The following TTC6 variants were observed in gnomAD, a reference collection of about 807,000 sequenced individuals.
TTC6 encodes tetratricopeptide repeat domain 6, also known as tetratricopeptide repeat protein 6.
In TTC6, 172 loss-of-function variants were observed where a neutral mutation model predicts 210.4. The ratio of observed to expected loss-of-function variants is 0.82; its 90% CI spans 0.72 to 0.93. The LOEUF (loss-of-function observed/expected upper bound fraction) is 0.93, where lower values mean the gene tolerates loss of function less well. Ranked by LOEUF, TTC6 falls within the 40% of genes least tolerant of loss-of-function variation. The pLI is 0.00. For synonymous variants in TTC6, 804 were observed against 819.6 expected (o/e 0.98, Z 0.32); for missense variants, 2,414 against 2,318.1 (o/e 1.04, Z -0.85).
At chr14:37,712,600 A>G (rs998898524) in intron 5 of TTC6, among the ~76,000 whole-genome samples, 10 of 152,174 alleles carry the variant, frequency 6.6e-5, no homozygotes, top group African/African-American at 2.2e-4. Context: ...GAAACTTACA[A>G]TCATGGTGGA....
intron 4 of TTC6, among the ~76,000 whole-genome samples, chr14:37,700,300 C>T (rs552077566): frequency 2.0e-5 from 3 of 152,166 alleles, no homozygotes; most frequent in South Asian, 2.1e-4. Flanking sequence ...TTGTGACCTA[C>T]CCAAAATAAG....
At position 37,742,214 on chromosome 14, in the gene TTC6, A is replaced by AT. The variant is rs376763923; in HGVS notation, c.2363+3060dup. Among the ~76,000 whole-genome samples the AT allele has an allele frequency of 1.5e-3, 225 of 152,234 alleles. 1 individual carries two copies. Among genetic ancestry groups the AT allele is most frequent in the African/African-American group, 5.2e-3 (216 of 41,550 alleles). ...GCATCTTCTTGTGCCCCTTTCTAGA[A>AT]TAATTGTCCTTAGTCTTAACTCACT... is the stretch of plus-strand genomic sequence containing the variant. On this transcript the variant is annotated intron_variant, in intron 10 of 30. Transcript: ENST00000553443.
At chr14:37,622,052 C>A, upstream of TTC6, 1 of 1,506,942 alleles carries the variant, frequency 6.6e-7, no homozygotes, top group South Asian at 1.3e-5. Flanking sequence ...CTTTACAGGT[C>A]AAATTTGTCA....
chr14:37,660,729 A>T (rs757502262), intron 1 of TTC6, among the ~76,000 whole-genome samples: 11 of 152,168 alleles, frequency 7.2e-5, no homozygotes, highest in Non-Finnish European at 1.5e-4. Context: ...GCTGGGTCAA[A>T]TGGTATTTCT....
intron 1 of TTC6, among the ~76,000 whole-genome samples, chr14:37,651,346 T>G (rs896929341): frequency 7.0e-6 from 1 of 142,250 alleles, no homozygotes; most frequent in Non-Finnish European, 1.5e-5. Flanking sequence ...CTTTTTAACT[T>G]TCACTTGGCT....
chr14:37,610,143 T>G (rs2095631956), intron 2 of TTC6, among the ~76,000 whole-genome samples: 1 of 152,160 alleles, frequency 6.6e-6, no homozygotes, highest in African/African-American at 2.4e-5. Flanking sequence ...CCAGGCTGGC[T>G]TTGTCTGTTT....
At chr14:37,759,217 C>T (rs377147276) in intron 14 of TTC6, among the ~76,000 whole-genome samples, 6 of 149,752 alleles carry the variant, frequency 4.0e-5, no homozygotes, top group South Asian at 2.1e-4. Context: ...GAGCCGAGAT[C>T]GCACCACTGT....
intron 1 of TTC6, among the ~76,000 whole-genome samples, chr14:37,656,265 A>G (rs1048475565): frequency 6.6e-6 from 1 of 152,194 alleles, no homozygotes; most frequent in Non-Finnish European, 1.5e-5. Context: ...AACTACAGAC[A>G]TAAGTATAGA....
chr14:37,740,505 A>C (rs1595179833), intron 10 of TTC6, among the ~76,000 whole-genome samples: 1 of 152,298 alleles, frequency 6.6e-6, no homozygotes, highest in Admixed American at 6.5e-5. Flanking sequence ...TTCACTTTAT[A>C]GTTATAAAGA....
intron 1 of TTC6, among the ~76,000 whole-genome samples, chr14:37,666,429 A>G (rs1241711191): frequency 1.4e-5 from 2 of 141,710 alleles, no homozygotes; most frequent in African/African-American, 5.1e-5. Flanking sequence ...CCTGAGCAAC[A>G]TAGTGAGGCC....
rs1198922738 is a variant in TTC6, at chr14:37,749,427, A to C, written c.2826+26A>C. The C allele has an allele frequency of 1.1e-5, 15 of 1,389,952 alleles. No homozygotes were observed. The South Asian group carries it at 2.2e-4, about 21-fold the overall frequency. The allele number at this position is 1,389,952 out of a possible 1,614,324, so 86.1% of individuals were successfully genotyped here. On this transcript the variant is annotated intron_variant, in intron 11 of 30. Transcript: ENST00000553443. ...GTAAGTTTTCTTTAACCAAAATAGT[A>C]ATATTCACCATTTACACTTGCTTTT...
chr14:37,647,498 T>C (rs1392327518), intron 1 of TTC6, among the ~76,000 whole-genome samples: 1 of 152,144 alleles, frequency 6.6e-6, no homozygotes, highest in East Asian at 1.9e-4. Flanking sequence ...AGGATGACTT[T>C]ATGGTTTATG....
chr14:37,814,367 T>C (rs1406362478), intron 25 of TTC6, among the ~76,000 whole-genome samples: 1 of 152,138 alleles, frequency 6.6e-6, no homozygotes, highest in Non-Finnish European at 1.5e-5. Flanking sequence ...CATTTAGGTT[T>C]CTGCTGAAAT....
chr14:37,629,122 G>GT (rs1398380581), intron 1 of TTC6, among the ~76,000 whole-genome samples: 1 of 152,148 alleles, frequency 6.6e-6, no homozygotes, highest in Admixed American at 6.5e-5. Flanking sequence ...ATTTAAAGTA[G>GT]TTTTTTCTAG....
intron 5 of TTC6, among the ~76,000 whole-genome samples, chr14:37,710,423 C>G (rs12890845): frequency 0.057 from 8,724 of 152,176 alleles, 387 homozygotes; most frequent in Non-Finnish European, 0.09. Context: ...CATACAATCA[C>G]AAATATATTT....
chr14:37,662,849 AGGATT>A (rs1235429018), intron 1 of TTC6, among the ~76,000 whole-genome samples: 8 of 150,994 alleles, frequency 5.3e-5, no homozygotes, highest in Non-Finnish European at 7.4e-5. Flanking sequence ...CAACTTGCTT[AGGATT>A]GCCTTGGCTA....
intron 20 of TTC6, 94 bp downstream of exon 22, chr14:37,797,041 A>T (rs1325936379): frequency 8.7e-7 from 1 of 1,147,428 alleles, no homozygotes; most frequent in Non-Finnish European, 1.1e-6. Flanking sequence ...CACAAAATTA[A>T]GTCATACTAT....
intron 14 of TTC6, among the ~76,000 whole-genome samples, chr14:37,786,719 A>ATC (rs2096068600): frequency 6.6e-6 from 1 of 152,130 alleles, no homozygotes; most frequent in Admixed American, 6.5e-5. Context: ...TGCATCGCTC[A>ATC]CGCGGGGAGC....
At chr14:37,649,453 A>G (rs2095707349) in intron 1 of TTC6, among the ~76,000 whole-genome samples, 1 of 152,148 alleles carries the variant, frequency 6.6e-6, no homozygotes, top group African/African-American at 2.4e-5. Context: ...CGTCCCTGCC[A>G]ACTTCCTCTG....
Sources: allele counts gnomAD v4.1 joint callset (sites outside exome capture counted in the v4.1 genomes callset), GRCh38; gene constraint gnomAD v4.1.1; transcripts MANE v1.5; gene names NCBI Gene and HGNC (gene_info 2026-07-23, HGNC 2026-07-21).